SGCG: variants seen among roughly 807,000 people sequenced by gnomAD.
SGCG encodes the protein gamma-sarcoglycan.
A neutral mutation model predicts 29.3 loss-of-function variants in SGCG; 26 were observed. That is an observed-to-expected ratio of 0.89 (90% CI 0.65 to 1.23). The LOEUF is 1.23. Ranked by LOEUF, SGCG falls within the 50% of genes most tolerant of loss-of-function variation. The probability of loss-of-function intolerance (pLI) is 0.00; values close to 1 mark genes in which losing one functional copy is unlikely to be tolerated. For missense variants in SGCG, 353 were observed against 356.0 expected, an observed-to-expected ratio of 0.99 and a Z score of 0.07; for synonymous variants, 145 against 129.7, an observed-to-expected ratio of 1.12 and a Z score of -0.80.
intron 6 of SGCG, among the ~76,000 whole-genome samples, chr13:23,303,047 C>T (rs185367686): frequency 3.9e-5 from 6 of 152,160 alleles, no homozygotes; most frequent in African/African-American, 1.4e-4. Context: ...TGTAACTTGC[C>T]AAATGATTAC....
chr13:23,321,896 C>G (rs1317615700), intron 7 of SGCG, among the ~76,000 whole-genome samples: 1 of 140,100 alleles, frequency 7.1e-6, no homozygotes, highest in African/African-American at 2.5e-5. Flanking sequence ...ATATTGGAAC[C>G]CTGTTTGTTA....
At chr13:23,203,033 C>T (rs1416176419) in intron 1 of SGCG, among the ~76,000 whole-genome samples, 1 of 152,044 alleles carries the variant, frequency 6.6e-6, no homozygotes, top group Non-Finnish European at 1.5e-5. Flanking sequence ...GATCTCTGCT[C>T]ACTGCAACCT....
At chr13:23,172,371 C>T in the SGCG span, among the ~76,000 whole-genome samples, 6 of 152,052 alleles carry the variant, frequency 3.9e-5, no homozygotes, top group Admixed American at 1.3e-4. Flanking sequence ...GACTTTTATA[C>T]ATTTATAAAT....
At chr13:23,258,396 T>A (rs2137581588) in intron 4 of SGCG, among the ~76,000 whole-genome samples, 2 of 152,270 alleles carry the variant, frequency 1.3e-5, no homozygotes, top group African/African-American at 4.8e-5. Context: ...CACATTGATT[T>A]TGTATCCTGA....
chr13:23,219,770 G>A (rs1423715922), intron 2 of SGCG, among the ~76,000 whole-genome samples: 1 of 149,970 alleles, frequency 6.7e-6, no homozygotes, highest in African/African-American at 2.5e-5. Flanking sequence ...TTTTGAGATG[G>A]AGTCTGGCTC....
intron 4 of SGCG, among the ~76,000 whole-genome samples, chr13:23,269,738 G>A (rs1449435852): frequency 1.3e-5 from 2 of 151,424 alleles, no homozygotes; most frequent in East Asian, 3.9e-4. Context: ...ATGTGGAGTT[G>A]CCGTGATTAT....
chr13:23,214,471 T>G (rs1231494178), intron 2 of SGCG, among the ~76,000 whole-genome samples: 1 of 152,162 alleles, frequency 6.6e-6, no homozygotes, highest in Non-Finnish European at 1.5e-5. Flanking sequence ...ATCTGGCACA[T>G]AAACAAAGGA....
chr13:23,301,060 G>T lies in SGCG; in HGVS notation c.578+5573G>T, dbSNP rs370469065. The stretch of plus-strand genomic sequence containing the variant: ...GAACCCAGGAGGCAGAGCTTGCAGT[G>T]AGCCGAGACCACGCCACTGCACTCC... On this transcript the variant is annotated intron_variant, in intron 6 of 7. Coordinates refer to ENST00000218867, the MANE Select transcript of SGCG (RefSeq NM_000231.3). 1.6e-4 allele frequency among the ~76,000 whole-genome samples: 25 copies of T among 152,192 alleles called. No homozygotes were observed. The East Asian group carries it at 4.2e-3, about 26-fold the overall frequency.
chr13:23,199,024 C>T (rs994394991), intron 1 of SGCG, among the ~76,000 whole-genome samples: 12 of 151,174 alleles, frequency 7.9e-5, no homozygotes, highest in South Asian at 2.1e-4. Context: ...AGGAGAATGA[C>T]GGGGACCTGG....
intron 2 of SGCG, among the ~76,000 whole-genome samples, chr13:23,212,463 G>A (rs1264291217): frequency 1.3e-5 from 2 of 152,060 alleles, no homozygotes; most frequent in African/African-American, 2.4e-5. Context: ...TAAAACTTAT[G>A]CTCTGTAAGT....
chr13:23,239,038 G>A (rs896078017), intron 3 of SGCG, among the ~76,000 whole-genome samples: 4 of 151,888 alleles, frequency 2.6e-5, no homozygotes, highest in Admixed American at 1.3e-4. Context: ...AAAGAAGAGA[G>A]GACAAATATT....
chr13:23,200,511 A>T (rs888882797), intron 1 of SGCG, among the ~76,000 whole-genome samples: 1 of 152,204 alleles, frequency 6.6e-6, no homozygotes. Flanking sequence ...TTAAGCACAT[A>T]CTACATGCTG....
intron 2 of SGCG, 56 bp from the exon 3 acceptor site, chr13:23,234,555 G>C: frequency 8.6e-7 from 1 of 1,163,382 alleles, no homozygotes; most frequent in Non-Finnish European, 1.3e-6. Context: ...ATATTAAGAG[G>C]AATGAAAAAG....
chr13:23,176,451 A>G (rs1444325440), upstream of SGCG, among the ~76,000 whole-genome samples: 1 of 152,156 alleles, frequency 6.6e-6, no homozygotes, highest in Non-Finnish European at 1.5e-5. Context: ...TATAATTGCT[A>G]TATTTTCTTG....
At chr13:23,168,440 C>A in the SGCG span, among the ~76,000 whole-genome samples, 1 of 152,162 alleles carries the variant, frequency 6.6e-6, no homozygotes, top group Non-Finnish European at 1.5e-5. Context: ...GTATCCTCAG[C>A]CCTGGAACAG....
intron 7 of SGCG, among the ~76,000 whole-genome samples, chr13:23,321,544 ATAACT>A (rs1205889177): frequency 6.6e-6 from 1 of 152,230 alleles, no homozygotes; most frequent in Non-Finnish European, 1.5e-5. Context: ...AAGTACCACA[ATAACT>A]TAACAGTGGA....
At chr13:23,231,528 G>GT (rs763622130) in intron 2 of SGCG, among the ~76,000 whole-genome samples, 4 of 152,014 alleles carry the variant, frequency 2.6e-5, no homozygotes, top group Non-Finnish European at 5.9e-5. Flanking sequence ...GCCACCATAT[G>GT]TTTACTTGAA....
chr13:23,308,302 C>A (rs906563357), intron 6 of SGCG, among the ~76,000 whole-genome samples: 1 of 152,128 alleles, frequency 6.6e-6, no homozygotes, highest in Non-Finnish European at 1.5e-5. Context: ...GTGAAGTAGG[C>A]AAATAATTTT....
intron 6 of SGCG, among the ~76,000 whole-genome samples, chr13:23,297,988 G>A (rs186863199): frequency 0.041 from 6,267 of 151,832 alleles, 195 homozygotes; most frequent in East Asian, 0.13. Context: ...CAGGTGATCT[G>A]CTCACCTTGG....
Sources: allele counts gnomAD v4.1 joint callset (sites outside exome capture counted in the v4.1 genomes callset), GRCh38; gene constraint gnomAD v4.1.1; transcripts MANE v1.5; gene names NCBI Gene and HGNC (gene_info 2026-07-23, HGNC 2026-07-21).